The following MCC variants were observed in gnomAD, a reference collection of about 807,000 sequenced individuals.
The protein encoded by MCC is colorectal mutant cancer protein.
MCC carries 90 observed loss-of-function variants against 116.2 expected under a neutral mutation model. That is an observed-to-expected ratio of 0.77 (90% CI 0.65 to 0.92). The LOEUF (loss-of-function observed/expected upper bound fraction) is 0.92. MCC is among the 40% of genes least tolerant of loss of function. The pLI, the probability that MCC is intolerant of heterozygous loss-of-function variation, is 0.00. For missense variants in MCC, 1,516 were observed against 1,312.2 expected, an observed-to-expected ratio of 1.16 and a Z score of -2.40; for synonymous variants, 578 against 510.5, an observed-to-expected ratio of 1.13 and a Z score of -1.78.
chr5:113,456,384 T>G (rs1362601447), intron 1 of MCC, among the ~76,000 whole-genome samples: 1 of 152,222 alleles, frequency 6.6e-6, no homozygotes, highest in East Asian at 1.9e-4. Context: ...TTCAGATTTT[T>G]GAACATTTTA....
intron 5 of MCC, among the ~76,000 whole-genome samples, chr5:113,127,737 G>T (rs1425887949): frequency 6.6e-6 from 1 of 152,102 alleles, no homozygotes; most frequent in East Asian, 1.9e-4. Context: ...TATAGATGCT[G>T]GAAAGACCTT....
chr5:113,085,805 C>T (rs1755166118), intron 8 of MCC, among the ~76,000 whole-genome samples: 1 of 152,154 alleles, frequency 6.6e-6, no homozygotes, highest in Admixed American at 6.5e-5. Flanking sequence ...GATCCTCCTG[C>T]CTCAGCCTCC....
At chr5:113,298,636 G>A (rs543855871) in intron 3 of MCC, among the ~76,000 whole-genome samples, 1 of 152,260 alleles carries the variant, frequency 6.6e-6, no homozygotes, top group East Asian at 1.9e-4. Context: ...AGGGAGAAAA[G>A]GGGAGCAGGT....
intron 3 of MCC, among the ~76,000 whole-genome samples, chr5:113,192,417 T>C (rs1273793073): frequency 1.3e-5 from 2 of 152,218 alleles, no homozygotes; most frequent in East Asian, 1.9e-4. Flanking sequence ...GGATTACATA[T>C]TGTCTGTAGG....
chr5:113,360,745 C>T (rs528244689), intron 2 of MCC, among the ~76,000 whole-genome samples: 7 of 152,216 alleles, frequency 4.6e-5, no homozygotes, highest in East Asian at 1.9e-4. Context: ...TCTTTTCAAA[C>T]GTGTCTGCAG....
intron 17 of MCC, among the ~76,000 whole-genome samples, chr5:113,043,231 G>C (rs891551651): frequency 6.6e-6 from 1 of 152,216 alleles, no homozygotes; most frequent in African/African-American, 2.4e-5. Flanking sequence ...CACCTCACTA[G>C]TTAACACTGT....
chr5:113,484,265 C>G (rs1772456340), intron 1 of MCC, among the ~76,000 whole-genome samples: 1 of 152,076 alleles, frequency 6.6e-6, no homozygotes, highest in South Asian at 2.1e-4. Context: ...CACATGTACC[C>G]TTGAATTTAA....
intron 4 of MCC, 131 bp from the exon 5 acceptor site, chr5:113,143,491 CTCAT>C: frequency 3.2e-6 from 3 of 944,972 alleles, no homozygotes; most frequent in Non-Finnish European, 4.8e-6. Context: ...TGTATGTCAG[CTCAT>C]CGGCTGGCAA....
At chr5:113,145,738 A>G (rs1373229688) in intron 4 of MCC, among the ~76,000 whole-genome samples, 2 of 8,594 alleles carry the variant, frequency 2.3e-4, no homozygotes, top group Non-Finnish European at 4.3e-4. Context: ...AAACTTGCTT[A>G]CACACACACA....
chr5:113,039,934 T>G (rs1440668714), intron 17 of MCC, among the ~76,000 whole-genome samples: 1 of 152,018 alleles, frequency 6.6e-6, no homozygotes, highest in Non-Finnish European at 1.5e-5. Context: ...GAAAGATCAG[T>G]CAAATTTTAC....
intron 16 of MCC, chr5:113,044,568 C>T (rs1751944278): frequency 1.4e-6 from 1 of 732,646 alleles, no homozygotes; most frequent in Non-Finnish European, 1.7e-6. Context: ...GGAATGTAAA[C>T]AGATATTTTT....
chr5:113,324,911 C>T (rs1264251233), intron 3 of MCC, among the ~76,000 whole-genome samples: 1 of 151,510 alleles, frequency 6.6e-6, no homozygotes, highest in South Asian at 2.1e-4. Context: ...TAGCTCACTG[C>T]AGCCTCAAAC....
chr5:113,486,012 A>G (rs1235163414), intron 1 of MCC, among the ~76,000 whole-genome samples: 1 of 152,212 alleles, frequency 6.6e-6, no homozygotes, highest in Non-Finnish European at 1.5e-5. Context: ...GTGGCTTCAG[A>G]GAGGGAATCA....
At chr5:113,444,405 G>A (rs1771146306) in intron 1 of MCC, among the ~76,000 whole-genome samples, 1 of 152,126 alleles carries the variant, frequency 6.6e-6, no homozygotes, top group Admixed American at 6.5e-5. Context: ...GGTTCTAAAT[G>A]GATCCTCCTT....
chr5:113,294,911 G>T (rs1251265548), intron 3 of MCC: 1 of 985,534 alleles, frequency 1.0e-6, no homozygotes, highest in African/African-American at 1.7e-5. Flanking sequence ...TCACGCCGAA[G>T]TTTCCCCTTC....
chr5:113,050,076 T>C (rs1380855535), intron 15 of MCC, among the ~76,000 whole-genome samples: 1 of 152,212 alleles, frequency 6.6e-6, no homozygotes, highest in African/African-American at 2.4e-5. Flanking sequence ...AGTGTTCACA[T>C]GACGTGGCTC....
chr5:113,105,485 C>T (rs943027969), intron 6 of MCC, among the ~76,000 whole-genome samples: 44 of 152,194 alleles, frequency 2.9e-4, no homozygotes, highest in African/African-American at 1.0e-3. Flanking sequence ...CCAACCAATA[C>T]ACACAACTAG....
At chr5:113,245,222 G>A (rs989325848) in intron 3 of MCC, among the ~76,000 whole-genome samples, 2 of 150,294 alleles carry the variant, frequency 1.3e-5, no homozygotes, top group Non-Finnish European at 2.9e-5. Context: ...AACCAGGGAG[G>A]CAGAAGTTGC....
chr5:113,101,652 T>G, intron 8 of MCC, 87 bp downstream of exon 8: 8 of 1,373,822 alleles, frequency 5.8e-6, no homozygotes, highest in Non-Finnish European at 8.1e-6. Context: ...GCCACAAAAT[T>G]CTCACGGTGC....
Sources: gnomAD v4.1 joint callset for allele counts (sites outside exome capture counted in the v4.1 genomes callset) on GRCh38, gnomAD v4.1.1 for gene constraint, MANE v1.5 for transcripts, NCBI Gene and HGNC (gene_info 2026-07-23, HGNC 2026-07-21) for gene names.